SAMD14: variants seen among roughly 807,000 people sequenced by gnomAD.
SAMD14 encodes sterile alpha motif domain-containing protein 14.
In SAMD14, 27 loss-of-function variants were observed where a neutral mutation model predicts 46.2. The ratio of observed to expected loss-of-function variants is 0.58; its 90% CI spans 0.43 to 0.81. The LOEUF (loss-of-function observed/expected upper bound fraction) is 0.81, where lower values mean the gene tolerates loss of function less well. Ranked by LOEUF, SAMD14 falls within the 30% of genes least tolerant of loss-of-function variation. SAMD14 has a pLI of 0.00. For missense variants in SAMD14, 559 were observed against 582.2 expected (o/e 0.96, Z 0.41); for synonymous variants, 241 against 254.3 (o/e 0.95, Z 0.50).
chr17:50,112,821 C>G lies in SAMD14; in HGVS notation c.*72G>C. ...CCCAAGTGCAGCGCCCAGGTCCAGC[C>G]TCCCTGGTGAGGCCTGTGCCCGCGG... is the stretch of plus-strand genomic sequence containing the variant. On this transcript the variant is annotated 3_prime_UTR_variant, in exon 10 of 10. Transcript: ENST00000330175. 6.5e-7 allele frequency: 1 copy of G among 1,527,810 alleles called. No homozygotes were observed. Among genetic ancestry groups the G allele is most frequent in the Non-Finnish European group, 8.8e-7 (1 of 1,140,168 alleles). 94.6% of individuals were successfully genotyped at this position (1,527,810 alleles called of 1,614,324 possible). A position where few individuals can be genotyped will look rare whatever the true frequency, so the allele number is the denominator to read the frequency against.
Position 50,110,240 on chromosome 17 carries a change from T to C in SAMD14, c.*2653A>G. Reference sequence around the variant, plus strand: ...TCTGTCTCTATGGAAGTCACTGCGGTGATAGGTCTGTGATGGTCCCTAAGT... The same window carrying C: ...TCTGTCTCTATGGAAGTCACTGCGGCGATAGGTCTGTGATGGTCCCTAAGT... On this transcript the variant is annotated 3_prime_UTR_variant, in exon 10 of 10. Coordinates refer to ENST00000330175, the MANE Select transcript of SAMD14 (RefSeq NM_001257359.2). 1.1e-6 allele frequency: 1 copy of C among 900,338 alleles called. No individual in the cohort carries two copies. The highest frequency in any genetic ancestry group is 1.6e-6 in the Non-Finnish European group (1 of 617,474). The allele number at this position is 900,338 out of a possible 1,614,324, so 55.8% of individuals were successfully genotyped here. A position where few individuals can be genotyped will look rare whatever the true frequency, so the allele number is the denominator to read the frequency against.
Position 50,112,707 on chromosome 17 carries a change from G to C in SAMD14, c.*186C>G. 1.6e-6 allele frequency: 1 copy of C among 623,896 alleles called. No individual in the cohort carries two copies. Among genetic ancestry groups the C allele is most frequent in the Non-Finnish European group, 2.7e-6 (1 of 372,876 alleles). The allele number at this position is 623,896 out of a possible 1,614,324, so 38.6% of individuals were successfully genotyped here. A position where few individuals can be genotyped will look rare whatever the true frequency, so the allele number is the denominator to read the frequency against. On this transcript the variant is annotated 3_prime_UTR_variant, in exon 10 of 10. Coordinates refer to ENST00000330175, the MANE Select transcript of SAMD14 (RefSeq NM_001257359.2). ...GGATTTATTACTAGGCCCTCTCCCT[G>C]GGGTCTCCCTTTCTGGGGTCTCTGG...
At chr17:50,127,200 GC>G (rs1188516486) in intron 1 of SAMD14, among the ~76,000 whole-genome samples, 7 of 152,202 alleles carry the variant, frequency 4.6e-5, no homozygotes, top group Admixed American at 2.0e-4. Context: ...CAGGGCTCCT[GC>G]CCCTCTGCGC....
intron 2 of SAMD14, among the ~76,000 whole-genome samples, chr17:50,122,433 T>C (rs1255094990): frequency 6.6e-6 from 1 of 152,132 alleles, no homozygotes; most frequent in African/African-American, 2.4e-5. Context: ...GTCACCTCCA[T>C]GCCCATGCCC....
intron 7 of SAMD14, chr17:50,114,511 T>A: frequency 6.9e-7 from 1 of 1,458,606 alleles, no homozygotes; most frequent in Non-Finnish European, 9.4e-7. Flanking sequence ...GGCAGCCATC[T>A]GGAGGACATG....
intron 1 of SAMD14, 112 bp from the exon 2 acceptor site, chr17:50,125,083 C>A: frequency 1.1e-6 from 1 of 919,202 alleles, no homozygotes; most frequent in Admixed American, 1.9e-5. Flanking sequence ...GTTGGCCCCT[C>A]CCCTTACCTT....
At chr17:50,127,798 G>A (rs1911848269) in intron 1 of SAMD14, among the ~76,000 whole-genome samples, 1 of 152,102 alleles carries the variant, frequency 6.6e-6, no homozygotes, top group South Asian at 2.1e-4. Context: ...GGGAAGGAAG[G>A]CTGACCCTAA....
chr17:50,115,818 G>A lies in SAMD14; in HGVS notation c.662+12C>T, dbSNP rs766920860. The A allele has an allele frequency of 1.2e-6, 2 of 1,612,742 alleles. No homozygotes were observed. Among genetic ancestry groups the A allele is most frequent in the Non-Finnish European group, 1.7e-6 (2 of 1,179,908 alleles). ...CGGGAGCTGTGGGTGGGCCGCCATG[G>A]GCACCTCTCACCTGCTGCCCATGGA... On this transcript the variant is annotated intron_variant, in intron 6 of 9. Transcript: ENST00000330175. This position sits in a 1 kb window ranked among gnomAD's most constrained non-coding sequence, Gnocchi z 5.3.
rs374109001 is a variant in SAMD14 at position 50,118,195 on chromosome 17, T to C, written c.176A>G (p.Glu59Gly). ...SRLRDSASSA[E>G]DGEGSDGPGG... Reference sequence around the variant, plus strand: ...GGGCCCATCCGAGCCTTCACCATCCTCCGCGGAGCTGGCACTGTCCCGAAG... The same window carrying C: ...GGGCCCATCCGAGCCTTCACCATCCCCCGCGGAGCTGGCACTGTCCCGAAG... The change falls in exon 3 of 10, where the codon GAG becomes GGG. Residue 59 changes from glutamate to glycine, a missense_variant. By Grantham distance (98) the Glu-to-Gly change is moderately conservative. Coordinates refer to ENST00000330175, the MANE Select transcript of SAMD14 (RefSeq NM_001257359.2). 2.5e-6 allele frequency: 4 copies of C among 1,608,792 alleles called. No individual in the cohort carries two copies. In the African/African-American group the frequency reaches 5.3e-5, roughly 22 times the overall value.
At chr17:50,128,512 A>ACC (rs1491290485) in intron 1 of SAMD14, among the ~76,000 whole-genome samples, 58 of 137,302 alleles carry the variant, frequency 4.2e-4, no homozygotes, top group Admixed American at 6.1e-4. Context: ...ACACACACAC[A>ACC]CCCCCATTCA....
chr17:50,116,598 G>T (rs1567719640), intron 4 of SAMD14, among the ~76,000 whole-genome samples: 1 of 151,774 alleles, frequency 6.6e-6, no homozygotes, highest in Admixed American at 6.6e-5. Flanking sequence ...GTTCAGACAG[G>T]GTTTCATCAT....
At chr17:50,122,185 C>T (rs62060033) in intron 2 of SAMD14, among the ~76,000 whole-genome samples, 1 of 152,214 alleles carries the variant, frequency 6.6e-6, no homozygotes, top group Non-Finnish European at 1.5e-5. Context: ...ACAGCCGCAC[C>T]ACACTACCAT....
At chr17:50,126,215 CT>C (rs1911761942) in intron 1 of SAMD14, among the ~76,000 whole-genome samples, 1 of 152,154 alleles carries the variant, frequency 6.6e-6, no homozygotes, top group Non-Finnish European at 1.5e-5. Flanking sequence ...TGTAGGAAGG[CT>C]AGGCCACATG....
Position 50,115,626 on chromosome 17 carries a change from TGCTACCCGAGGATGCTGAGCCCTTGCC to T in SAMD14, c.733_759del (p.Gly245_Ser253del). The T allele has an allele frequency of 6.2e-7, 1 of 1,603,104 alleles. No individual in the cohort carries two copies. The highest frequency in any genetic ancestry group is 8.5e-7 in the Non-Finnish European group (1 of 1,173,078). On this transcript the variant is annotated inframe_deletion, in exon 7 of 10. Coordinates refer to ENST00000330175, the MANE Select transcript of SAMD14 (RefSeq NM_001257359.2). The surrounding 1 kb of genome is among the most constrained non-coding windows in gnomAD (Gnocchi z 5.3). ...TTAGGGGAGCAGGTGGGGGAGGTGG[TGCTACCCGAGGATGCTGAGCCCTTGCC>T]GCTGTCCGTGAACCAGGAAAAAGGC...
intron 1 of SAMD14, among the ~76,000 whole-genome samples, chr17:50,126,160 C>G (rs1911759823): frequency 6.6e-6 from 1 of 152,094 alleles, no homozygotes; most frequent in South Asian, 2.1e-4. Context: ...ACTCAGGTCC[C>G]CAGGAGAATG....
At chr17:50,113,315 C>G (rs1187676853) in intron 9 of SAMD14, 1 of 450,626 alleles carries the variant, frequency 2.2e-6, no homozygotes, top group Non-Finnish European at 4.0e-6. Context: ...AGTATTTCAG[C>G]CTTGGCCCGG....
In SAMD14 at chr17:50,123,700, C is replaced by T. The variant is rs146262085; in HGVS notation, c.43+1217G>A. 3.3e-4 allele frequency: 67 copies of T among 200,992 alleles called. No homozygotes were observed. In the East Asian group the frequency reaches 4.2e-3, roughly 13 times the overall value. 12.5% of individuals were successfully genotyped at this position (200,992 alleles called of 1,614,324 possible). On this transcript the variant is annotated intron_variant, in intron 2 of 9. Coordinates refer to ENST00000330175, the MANE Select transcript of SAMD14 (RefSeq NM_001257359.2). ...TCCTCCTCCCCCTCTTCCTGCTCCT[C>T]CCAGCCCTGGGCAGTGGGAATTCAT...
At position 50,115,512 on chromosome 17, in the gene SAMD14, A is replaced by G. The variant is rs1241261237; in HGVS notation, c.822+52T>C. The stretch of plus-strand genomic sequence containing the variant: ...CTGAGCCAAGGTGAAGTACGCCCTC[A>G]TGTCACCTGAGACTGGGGGCCAGTT... On this transcript the variant is annotated intron_variant, in intron 7 of 9. Coordinates refer to ENST00000330175, the MANE Select transcript of SAMD14 (RefSeq NM_001257359.2). This position sits in a 1 kb window ranked among gnomAD's most constrained non-coding sequence, Gnocchi z 5.3. 6.6e-7 allele frequency: 1 copy of G among 1,504,716 alleles called. No homozygotes were observed. Among genetic ancestry groups the G allele is most frequent in the African/African-American group, 1.4e-5 (1 of 71,508 alleles). 93.2% of individuals were successfully genotyped at this position (1,504,716 alleles called of 1,614,324 possible).
At chr17:50,126,664 T>G (rs1911789646) in intron 1 of SAMD14, among the ~76,000 whole-genome samples, 1 of 151,988 alleles carries the variant, frequency 6.6e-6, no homozygotes, top group Non-Finnish European at 1.5e-5. Context: ...ATGTGAAAAC[T>G]GAGAAACAGG....
Sources: gnomAD v4.1 joint callset for allele counts (sites outside exome capture counted in the v4.1 genomes callset) on GRCh38, gnomAD v4.1.1 for gene constraint, Gnocchi (gnomAD v3.1) non-coding constraint, MANE v1.5 for transcripts, NCBI Gene and HGNC (gene_info 2026-07-23, HGNC 2026-07-21) for gene names.